The following ARL14EPL variants were observed in gnomAD, a reference collection of about 807,000 sequenced individuals.
ARL14EPL encodes the protein ARF like GTPase 14 effector protein like.
ARL14EPL carries 17 observed loss-of-function variants against 15.9 expected under a neutral mutation model. The observed-to-expected ratio is 1.07, with a 90% CI of 0.73 to 1.60. The LOEUF is 1.60. Ranked by LOEUF, ARL14EPL falls within the 40% of genes most tolerant of loss-of-function variation. The probability of loss-of-function intolerance (pLI) is 0.00; values close to 1 mark genes in which losing one functional copy is unlikely to be tolerated. For synonymous variants in ARL14EPL, 78 were observed against 63.8 expected (o/e 1.22, Z -1.06); for missense variants, 214 against 185.9 (o/e 1.15, Z -0.88).
At chr5:116,033,260 C>A (rs1013030924) in intron 1 of ARL14EPL, among the ~76,000 whole-genome samples, 1 of 152,150 alleles carries the variant, frequency 6.6e-6, no homozygotes, top group African/African-American at 2.4e-5. Flanking sequence ...GATACAAATT[C>A]AATAGTAACC....
rs1181781802 is a variant in ARL14EPL at position 116,058,732 on chromosome 5, A to T, written c.244A>T (p.Arg82Trp). ...CATGCTTTTCCTTTGTAGAATAATGAGGAAGTATGACAAAAGTGGCAGGCT... is the reference window on the plus strand; with the variant it reads ...CATGCTTTTCCTTTGTAGAATAATGTGGAAGTATGACAAAAGTGGCAGGCT... Reference protein sequence around the residue: ...EYFSTKYKIMRKYDKSGRLIC... With the variant: ...EYFSTKYKIMWKYDKSGRLIC... Residue 82 changes from arginine to tryptophan, a missense_variant, in exon 4 of 4, where the codon AGG (arginine) becomes TGG (tryptophan). Coordinates refer to ENST00000686077, the MANE Select transcript of ARL14EPL (RefSeq NM_001195581.2). The T allele has an allele frequency of 1.3e-6, 2 of 1,534,810 alleles. No individual in the cohort carries two copies. Among genetic ancestry groups the T allele is most frequent in the Non-Finnish European group, 1.7e-6 (2 of 1,146,752 alleles).
At chr5:116,053,795 G>A (rs1749451930) in intron 2 of ARL14EPL, among the ~76,000 whole-genome samples, 1 of 152,094 alleles carries the variant, frequency 6.6e-6, no homozygotes, top group Admixed American at 6.5e-5. Context: ...TTTATTTTAT[G>A]AGTGTTATAC....
chr5:116,035,858 A>G (rs1749040904), intron 1 of ARL14EPL, among the ~76,000 whole-genome samples: 1 of 152,200 alleles, frequency 6.6e-6, no homozygotes, highest in African/African-American at 2.4e-5. Context: ...AGACTGAGGG[A>G]AGAATCCTGA....
rs182699946 is a variant in ARL14EPL, at chr5:116,050,173, C to T, written c.-9-1284C>T. On this transcript the variant is annotated intron_variant, in intron 1 of 3. Coordinates refer to ENST00000686077, the MANE Select transcript of ARL14EPL (RefSeq NM_001195581.2). ...TTTCTTTCAAGTTTTATTTTAGACA[C>T]ATATGCAGGTTTGTTACAGGGGGAT... Among the ~76,000 whole-genome samples the T allele has an allele frequency of 9.9e-5, 15 of 152,278 alleles. No individual in the cohort carries two copies. In the East Asian group the frequency reaches 2.9e-3, roughly 29 times the overall value.
At chr5:116,040,687 C>T (rs960012618) in intron 1 of ARL14EPL, among the ~76,000 whole-genome samples, 7 of 151,404 alleles carry the variant, frequency 4.6e-5, no homozygotes, top group Non-Finnish European at 1.0e-4. Flanking sequence ...TTATACCACT[C>T]TCTGTTTCAA....
chr5:116,034,956 A>G (rs750493686), intron 1 of ARL14EPL, among the ~76,000 whole-genome samples: 10 of 152,232 alleles, frequency 6.6e-5, no homozygotes, highest in Non-Finnish European at 1.3e-4. Flanking sequence ...ACTAGAATGT[A>G]GAAGTTTGGA....
At chr5:116,034,609 A>G (rs145767509) in intron 1 of ARL14EPL, among the ~76,000 whole-genome samples, 85 of 152,250 alleles carry the variant, frequency 5.6e-4, no homozygotes, top group African/African-American at 1.9e-3. Context: ...CTCAACTAGA[A>G]GTAGTACAAC....
chr5:116,050,289 T>G (rs1749344998), intron 1 of ARL14EPL, among the ~76,000 whole-genome samples: 1 of 152,228 alleles, frequency 6.6e-6, no homozygotes. Flanking sequence ...ATTGTTGCCA[T>G]CTTTCTGTCC....
At chr5:116,048,072 C>T (rs1480834107) in intron 1 of ARL14EPL, among the ~76,000 whole-genome samples, 7 of 152,290 alleles carry the variant, frequency 4.6e-5, no homozygotes, top group South Asian at 4.1e-4. Context: ...TTTCCCCATA[C>T]GGGTACTAAA....
At chr5:116,049,681 A>G (rs1046295247) in intron 1 of ARL14EPL, among the ~76,000 whole-genome samples, 13 of 152,164 alleles carry the variant, frequency 8.5e-5, no homozygotes, top group African/African-American at 3.1e-4. Context: ...TCTTTCATTC[A>G]TAATATGCTA....
At chr5:116,051,415 G>A (rs935834024) in intron 1 of ARL14EPL, 42 bp from the exon 2 acceptor site, 8 of 1,191,206 alleles carry the variant, frequency 6.7e-6, no homozygotes, top group Non-Finnish European at 9.5e-6. Context: ...ACTGGAGATA[G>A]ATGATATTAA....
intron 1 of ARL14EPL, among the ~76,000 whole-genome samples, chr5:116,036,131 A>T (rs1002258337): frequency 6.6e-6 from 1 of 152,220 alleles, no homozygotes. Context: ...GGTCAGTATA[A>T]TTGTTCTAAC....
At chr5:116,054,198 G>C (rs1749461412) in intron 3 of ARL14EPL, 45 bp downstream of exon 3, 1 of 1,483,820 alleles carries the variant, frequency 6.7e-7, no homozygotes, top group Non-Finnish European at 9.0e-7. Flanking sequence ...ATTATGAAAT[G>C]CATGAATTCT....
At chr5:116,040,895 C>G (rs968695544) in intron 1 of ARL14EPL, among the ~76,000 whole-genome samples, 8 of 140,710 alleles carry the variant, frequency 5.7e-5, no homozygotes, top group Admixed American at 7.6e-5. Context: ...GCAGGAGAAT[C>G]GCATGAACCC....
chr5:116,034,590 T>TA (rs1749014386), intron 1 of ARL14EPL, among the ~76,000 whole-genome samples: 1 of 152,160 alleles, frequency 6.6e-6, no homozygotes, highest in East Asian at 1.9e-4. Flanking sequence ...AGAGAGAAGT[T>TA]TTGACCTGCT....
chr5:116,048,647 A>C (rs1228408674), intron 1 of ARL14EPL, among the ~76,000 whole-genome samples: 1 of 152,148 alleles, frequency 6.6e-6, no homozygotes, highest in African/African-American at 2.4e-5. Context: ...GAAGTGATGA[A>C]CATAAGTAAA....
intron 2 of ARL14EPL, chr5:116,052,246 C>G: frequency 3.1e-6 from 5 of 1,597,214 alleles, no homozygotes; most frequent in Non-Finnish European, 4.3e-6. Context: ...TCTTGGCTGA[C>G]TTTCCAGCGT....
At chr5:116,047,408 TG>T (rs1285438416) in intron 1 of ARL14EPL, among the ~76,000 whole-genome samples, 3 of 152,352 alleles carry the variant, frequency 2.0e-5, no homozygotes, top group African/African-American at 7.2e-5. Flanking sequence ...GACATAGTAC[TG>T]GGGGTCACCT....
chr5:116,044,793 T>G (rs1403128649), intron 1 of ARL14EPL, among the ~76,000 whole-genome samples: 1 of 152,134 alleles, frequency 6.6e-6, no homozygotes, highest in Non-Finnish European at 1.5e-5. Context: ...GTCCCAGCCA[T>G]TATTATACAG....
Sources: allele counts gnomAD v4.1 joint callset (sites outside exome capture counted in the v4.1 genomes callset), GRCh38; gene constraint gnomAD v4.1.1; transcripts MANE v1.5; gene names NCBI Gene and HGNC (gene_info 2026-07-23, HGNC 2026-07-21).